ITGBL1: variants seen among roughly 807,000 people sequenced by gnomAD.
ITGBL1 encodes the protein integrin beta-like protein 1.
ITGBL1 carries 51 observed loss-of-function variants against 68.5 expected under a neutral mutation model. The ratio of observed to expected loss-of-function variants is 0.74; its 90% CI spans 0.59 to 0.94. The LOEUF (loss-of-function observed/expected upper bound fraction) is 0.94, where lower values mean the gene tolerates loss of function less well. ITGBL1 is among the 40% of genes least tolerant of loss of function. ITGBL1 has a pLI of 0.00. For missense variants in ITGBL1, 649 were observed against 647.4 expected (o/e 1.00, Z -0.03); for synonymous variants, 209 against 227.3 (o/e 0.92, Z 0.72).
At chr13:101,523,011 G>C (rs1389148471) in intron 2 of ITGBL1, among the ~76,000 whole-genome samples, 3 of 152,104 alleles carry the variant, frequency 2.0e-5, no homozygotes, top group Non-Finnish European at 4.4e-5. Flanking sequence ...ACCTCAGATC[G>C]CTCAGAGATG....
chr13:101,705,722 C>A (rs540491091), intron 8 of ITGBL1, among the ~76,000 whole-genome samples: 1 of 152,306 alleles, frequency 6.6e-6, no homozygotes, highest in South Asian at 2.1e-4. Flanking sequence ...GAGCAAGGTT[C>A]ACTCCTGAGG....
intron 5 of ITGBL1, among the ~76,000 whole-genome samples, chr13:101,580,748 CAAAA>C (rs988947449): frequency 2.6e-5 from 4 of 152,050 alleles, no homozygotes; most frequent in African/African-American, 9.7e-5. Flanking sequence ...ATTTGGCTGT[CAAAA>C]AGAGAGAGGT....
intron 3 of ITGBL1, among the ~76,000 whole-genome samples, chr13:101,569,953 A>G (rs1247691898): frequency 6.6e-6 from 1 of 152,130 alleles, no homozygotes. Context: ...TACATGTATC[A>G]CATTCCTCAC....
intron 2 of ITGBL1, among the ~76,000 whole-genome samples, chr13:101,464,728 C>T (rs144491088): frequency 2.3e-4 from 35 of 152,082 alleles, no homozygotes; most frequent in East Asian, 5.8e-4. Context: ...TATACACATA[C>T]GCCATACATA....
At chr13:101,564,415 AAAAGG>A (rs1162374526) in intron 2 of ITGBL1, among the ~76,000 whole-genome samples, 1 of 151,890 alleles carries the variant, frequency 6.6e-6, no homozygotes, top group Admixed American at 6.6e-5. Context: ...TTAATAGAAC[AAAAGG>A]CAAGTCACAA....
rs189872076 is a variant in ITGBL1, at chr13:101,575,291, C to T, written c.464-133C>T. On this transcript the variant is annotated intron_variant, in intron 3 of 10. Coordinates refer to ENST00000376180, the MANE Select transcript of ITGBL1 (RefSeq NM_004791.3). ...GTAGCATGTGCTTTACCTCACCATGCCCACAGAAATATCTAATTGAAATAT... is the reference window on the plus strand; with the variant it reads ...GTAGCATGTGCTTTACCTCACCATGTCCACAGAAATATCTAATTGAAATAT... The T allele has an allele frequency of 1.2e-3, 967 of 837,814 alleles. 9 individuals carry two copies. In the African/African-American group the frequency reaches 0.016, roughly 14 times the overall value. 51.9% of individuals were successfully genotyped at this position (837,814 alleles called of 1,614,324 possible).
chr13:101,601,000 T>A (rs1010373587), intron 7 of ITGBL1, among the ~76,000 whole-genome samples: 9 of 152,230 alleles, frequency 5.9e-5, no homozygotes, highest in African/African-American at 2.2e-4. Flanking sequence ...TTGGAATAGT[T>A]TCAGAAGGAA....
intron 7 of ITGBL1, among the ~76,000 whole-genome samples, chr13:101,622,617 G>A (rs2031627688): frequency 6.6e-6 from 1 of 152,128 alleles, no homozygotes; most frequent in Non-Finnish European, 1.5e-5. Context: ...CTAGAATCTA[G>A]CAAACATTTG....
intron 7 of ITGBL1, among the ~76,000 whole-genome samples, chr13:101,651,922 T>C (rs2032765793): frequency 6.6e-6 from 1 of 152,068 alleles, no homozygotes; most frequent in Non-Finnish European, 1.5e-5. Context: ...ACTCATTAAG[T>C]AAGGAGTTCT....
chr13:101,688,870 CT>C (rs1348283838), intron 7 of ITGBL1, among the ~76,000 whole-genome samples: 2 of 152,040 alleles, frequency 1.3e-5, no homozygotes, highest in African/African-American at 4.8e-5. Flanking sequence ...TATATGATTA[CT>C]GTTTAATGCA....
intron 2 of ITGBL1, among the ~76,000 whole-genome samples, chr13:101,471,000 G>A (rs887012955): frequency 6.6e-6 from 1 of 152,154 alleles, no homozygotes. Flanking sequence ...TAAAAACTGT[G>A]CAATCAGTCA....
chr13:101,534,062 AAAAAT>A (rs1262055456), intron 2 of ITGBL1, among the ~76,000 whole-genome samples: 1 of 152,214 alleles, frequency 6.6e-6, no homozygotes, highest in Non-Finnish European at 1.5e-5. Flanking sequence ...TTTTCAAAGA[AAAAAT>A]AACTGGCCAA....
chr13:101,530,744 T>C (rs564825567), intron 2 of ITGBL1, among the ~76,000 whole-genome samples: 2 of 152,360 alleles, frequency 1.3e-5, no homozygotes, highest in African/African-American at 4.8e-5. Context: ...AAATCTTCAA[T>C]TTTATCTAAT....
At chr13:101,644,984 T>G (rs564747435) in intron 7 of ITGBL1, among the ~76,000 whole-genome samples, 34 of 152,268 alleles carry the variant, frequency 2.2e-4, no homozygotes, top group African/African-American at 8.2e-4. Context: ...AGAGACCAGA[T>G]AAGTAAATTG....
intron 2 of ITGBL1, among the ~76,000 whole-genome samples, chr13:101,549,362 A>G (rs1304807444): frequency 2.0e-5 from 3 of 151,980 alleles, no homozygotes; most frequent in Non-Finnish European, 4.4e-5. Context: ...ATTTGATCAT[A>G]TGATTTAGGA....
intron 7 of ITGBL1, among the ~76,000 whole-genome samples, chr13:101,623,067 G>A (rs922136960): frequency 4.6e-5 from 7 of 151,906 alleles, no homozygotes; most frequent in Non-Finnish European, 7.4e-5. Context: ...ATTTGAATTC[G>A]TTAATAACGT....
intron 7 of ITGBL1, among the ~76,000 whole-genome samples, chr13:101,663,243 T>A (rs2033132762): frequency 1.3e-5 from 2 of 152,230 alleles, no homozygotes; most frequent in Admixed American, 1.3e-4. Flanking sequence ...TATCAGAGTC[T>A]AATAGATTAT....
At chr13:101,632,717 T>G (rs2032026546) in intron 7 of ITGBL1, among the ~76,000 whole-genome samples, 1 of 152,220 alleles carries the variant, frequency 6.6e-6, no homozygotes. Flanking sequence ...CTACTTAATT[T>G]GGGTGAAAGA....
chr13:101,544,862 G>T (rs2049789245), intron 2 of ITGBL1, among the ~76,000 whole-genome samples: 1 of 152,236 alleles, frequency 6.6e-6, no homozygotes, highest in Non-Finnish European at 1.5e-5. Flanking sequence ...TCAGGCGCGA[G>T]ATATAATCTC....
Sources: allele counts gnomAD v4.1 joint callset (sites outside exome capture counted in the v4.1 genomes callset), GRCh38; gene constraint gnomAD v4.1.1; transcripts MANE v1.5; gene names NCBI Gene and HGNC (gene_info 2026-07-23, HGNC 2026-07-21).